The following STK32B variants were observed in gnomAD, a reference collection of about 807,000 sequenced individuals.
STK32B encodes the protein serine/threonine kinase 32B, also known as serine/threonine-protein kinase 32B.
A neutral mutation model predicts 52.6 loss-of-function variants in STK32B; 43 were observed. The observed-to-expected ratio is 0.82, with a 90% CI of 0.64 to 1.05. The LOEUF (loss-of-function observed/expected upper bound fraction) is 1.05. Ranked by LOEUF, STK32B falls within the 50% of genes least tolerant of loss-of-function variation. The pLI is 0.00. For synonymous variants in STK32B, 238 were observed against 204.3 expected, an observed-to-expected ratio of 1.17 and a Z score of -1.41; for missense variants, 621 against 534.6, an observed-to-expected ratio of 1.16 and a Z score of -1.59.
chr4:5,265,679 C>T (rs1727012237), intron 3 of STK32B, among the ~76,000 whole-genome samples: 1 of 152,172 alleles, frequency 6.6e-6, no homozygotes, highest in South Asian at 2.1e-4. Flanking sequence ...ATTAAATATG[C>T]TAATAAACCT....
chr4:5,174,877 G>A (rs1355499572), intron 3 of STK32B, among the ~76,000 whole-genome samples: 1 of 152,162 alleles, frequency 6.6e-6, no homozygotes, highest in Non-Finnish European at 1.5e-5. Flanking sequence ...AGTTCTCCTG[G>A]ATAATATCCT....
chr4:5,068,345 C>A (rs1711548232), intron 1 of STK32B, among the ~76,000 whole-genome samples: 1 of 152,156 alleles, frequency 6.6e-6, no homozygotes, highest in South Asian at 2.1e-4. Flanking sequence ...CACACCTTAG[C>A]TCCCACTTAT....
At chr4:5,029,449 G>C in the STK32B span, among the ~76,000 whole-genome samples, 1 of 152,142 alleles carries the variant, frequency 6.6e-6, no homozygotes, top group South Asian at 2.1e-4. Flanking sequence ...TGACAGTGGA[G>C]GGAGACACAA....
At chr4:5,120,224 C>A (rs907696303) in intron 1 of STK32B, among the ~76,000 whole-genome samples, 1 of 152,154 alleles carries the variant, frequency 6.6e-6, no homozygotes, top group Non-Finnish European at 1.5e-5. Flanking sequence ...ATCGTCATGG[C>A]TTGATGATCC....
chr4:5,142,443 A>G (rs1326787423), intron 2 of STK32B, among the ~76,000 whole-genome samples: 1 of 152,244 alleles, frequency 6.6e-6, no homozygotes, highest in African/African-American at 2.4e-5. Context: ...TTTTCTACAC[A>G]ATCCAGACTT....
chr4:5,256,153 G>A (rs1726278774), intron 3 of STK32B, among the ~76,000 whole-genome samples: 1 of 151,526 alleles, frequency 6.6e-6, no homozygotes, highest in East Asian at 1.9e-4. Context: ...TGCAGATACT[G>A]AGCCTAGAGA....
Position 5,168,279 on chromosome 4 carries a change from C to G in STK32B, c.109-20C>G. On this transcript the variant is annotated intron_variant, in intron 2 of 11. Coordinates refer to ENST00000282908, the MANE Select transcript of STK32B (RefSeq NM_018401.3). ...TTTCGATTGTTGGCCTGACTGTTCT[C>G]TCCTTTGGCTGTCGCTCAGGTATGC... 6.2e-7 allele frequency: 1 copy of G among 1,602,442 alleles called. No individual in the cohort carries two copies. Among genetic ancestry groups the G allele is most frequent in the Non-Finnish European group, 8.5e-7 (1 of 1,170,832 alleles).
intron 3 of STK32B, among the ~76,000 whole-genome samples, chr4:5,261,859 G>C (rs1726734237): frequency 6.6e-6 from 1 of 152,110 alleles, no homozygotes; most frequent in African/African-American, 2.4e-5. Context: ...GAAGCACTGA[G>C]GATTGCTGAC....
chr4:5,309,375 GAA>G (rs57119309), intron 3 of STK32B, among the ~76,000 whole-genome samples: 19,413 of 149,226 alleles, frequency 0.13, 2,686 homozygotes, highest in African/African-American at 0.36. Flanking sequence ...CACAGAAATA[GAA>G]AAAAAAAATC....
intron 3 of STK32B, among the ~76,000 whole-genome samples, chr4:5,216,904 G>C (rs770632945): frequency 2.0e-5 from 3 of 152,174 alleles, no homozygotes; most frequent in Non-Finnish European, 4.4e-5. Context: ...ATAAGTGCAT[G>C]GAGGAGCTTA....
chr4:5,297,575 A>G (rs1729284446), intron 3 of STK32B, among the ~76,000 whole-genome samples: 1 of 145,140 alleles, frequency 6.9e-6, no homozygotes, highest in Admixed American at 6.9e-5. Context: ...TGCTATTTAT[A>G]CTTGTATATG....
At chr4:5,318,349 T>C (rs28617327) in intron 3 of STK32B, among the ~76,000 whole-genome samples, 36,108 of 151,904 alleles carry the variant, frequency 0.24, 7,052 homozygotes, top group African/African-American at 0.55. Context: ...TGAGACTAAA[T>C]GATGAGAAGG....
At chr4:5,158,671 A>G (rs1718063051) in intron 2 of STK32B, among the ~76,000 whole-genome samples, 1 of 152,130 alleles carries the variant, frequency 6.6e-6, no homozygotes, top group Non-Finnish European at 1.5e-5. Flanking sequence ...CTGAAGTCCA[A>G]GTCAAGGAAT....
At chr4:5,193,723 A>G (rs1721418199) in intron 3 of STK32B, among the ~76,000 whole-genome samples, 1 of 152,254 alleles carries the variant, frequency 6.6e-6, no homozygotes. Context: ...TAGAAGAAAT[A>G]TCTTGGAAGG....
chr4:5,433,743 A>G (rs1713792794), intron 6 of STK32B, among the ~76,000 whole-genome samples: 1 of 152,176 alleles, frequency 6.6e-6, no homozygotes, highest in African/African-American at 2.4e-5. Context: ...CACTGCAAAT[A>G]TCAAAACCTT....
rs975865840 is a variant in STK32B at position 5,460,532 on chromosome 4, C to G, written c.909+304C>G. On this transcript the variant is annotated intron_variant, in intron 9 of 11. Transcript: ENST00000282908. The surrounding 1 kb of genome is among the most constrained non-coding windows in gnomAD (Gnocchi z 4.8). ...AGCAGGCTGATCTACCCTTCTGCCT[C>G]CACAGAGCTGACTGCCGAGTAGAGG... Among the ~76,000 whole-genome samples, 1 of 152,200 alleles carries G rather than the reference C, an allele frequency of 6.6e-6. No homozygotes were observed. Among genetic ancestry groups the G allele is most frequent in the African/African-American group, 2.4e-5 (1 of 41,444 alleles).
At chr4:5,389,314 A>G (rs562052393) in intron 4 of STK32B, among the ~76,000 whole-genome samples, 2 of 152,322 alleles carry the variant, frequency 1.3e-5, no homozygotes, top group South Asian at 2.1e-4. Context: ...AAGCTGCCAT[A>G]CAAAATACCA....
chr4:5,138,973 A>AG (rs1577096273), intron 1 of STK32B, among the ~76,000 whole-genome samples: 1 of 152,184 alleles, frequency 6.6e-6, no homozygotes, highest in East Asian at 1.9e-4. Flanking sequence ...AATGGAGGGG[A>AG]CATCGGAGGG....
chr4:5,075,578 T>A (rs1712028024), intron 1 of STK32B, among the ~76,000 whole-genome samples: 1 of 152,158 alleles, frequency 6.6e-6, no homozygotes, highest in African/African-American at 2.4e-5. Flanking sequence ...AATATTAGTT[T>A]ATCTTTGGAT....
Sources: gnomAD v4.1 joint callset for allele counts (sites outside exome capture counted in the v4.1 genomes callset) on GRCh38, gnomAD v4.1.1 for gene constraint, Gnocchi (gnomAD v3.1) non-coding constraint, MANE v1.5 for transcripts, NCBI Gene and HGNC (gene_info 2026-07-23, HGNC 2026-07-21) for gene names.